The following SH3BP5 variants were observed in gnomAD, a reference collection of about 807,000 sequenced individuals.
SH3BP5 encodes the protein SH3 domain-binding protein 5.
In SH3BP5, 22 loss-of-function variants were observed where a neutral mutation model predicts 43.3. The ratio of observed to expected loss-of-function variants is 0.51; its 90% CI spans 0.36 to 0.73. The LOEUF (loss-of-function observed/expected upper bound fraction) is 0.73. Among genes scored for constraint, SH3BP5 ranks in the 30% least tolerant of loss-of-function variants. The pLI is 0.00. For missense variants in SH3BP5, 529 were observed against 586.9 expected (o/e 0.90, Z 1.02); for synonymous variants, 255 against 225.8 (o/e 1.13, Z -1.16).
In SH3BP5 at chr3:15,255,881, CACA is replaced by C. The variant is rs1326426570; in HGVS notation, c.*202_*204del. ...GCTGTGAACCTAGTCACAGTCTACC[CACA>C]ACAAGAACTCTGCTCTGAAAAACCA... On this transcript the variant is annotated 3_prime_UTR_variant, in exon 9 of 9. Transcript: ENST00000383791. The C allele has an allele frequency of 3.0e-5, 17 of 570,556 alleles. No homozygotes were observed. The East Asian group carries it at 5.0e-4, about 17-fold the overall frequency. 35.3% of individuals were successfully genotyped at this position (570,556 alleles called of 1,614,324 possible).
intron 7 of SH3BP5, chr3:15,257,417 T>G (rs917385942): frequency 3.3e-6 from 1 of 305,448 alleles, no homozygotes; most frequent in Non-Finnish European, 6.1e-6. Flanking sequence ...CAGCCACAAA[T>G]TAGGACCTTT....
At chr3:15,259,637 T>TA in intron 6 of SH3BP5, 124 bp downstream of exon 6, 8 of 951,340 alleles carry the variant, frequency 8.4e-6, no homozygotes. Flanking sequence ...GAAAACTCAG[T>TA]AAAGCCTGTC....
At chr3:15,309,933 C>A (rs1405916570) in intron 2 of SH3BP5, among the ~76,000 whole-genome samples, 1 of 150,902 alleles carries the variant, frequency 6.6e-6, no homozygotes, top group African/African-American at 2.4e-5. Context: ...AAAAGCCCAC[C>A]CAGTTGTTTC....
rs188969506 is a variant in SH3BP5, at chr3:15,267,391, C to T, written c.495+2322G>A. Among the ~76,000 whole-genome samples, 622 of 152,344 alleles carry T rather than the reference C, an allele frequency of 4.1e-3. 3 individuals carry two copies. The highest frequency in any genetic ancestry group is 0.01 in the Middle Eastern group (3 of 294). On this transcript the variant is annotated intron_variant, in intron 4 of 8. Transcript: ENST00000383791. ...GGAAAGCTTTGCCACAGGCTTTTGT[C>T]TCTTGCTGGTGTCTGTTTTTAACTC...
intron 3 of SH3BP5, among the ~76,000 whole-genome samples, chr3:15,300,944 G>A (rs1367010694): frequency 2.0e-5 from 3 of 152,116 alleles, no homozygotes; most frequent in Admixed American, 6.5e-5. Flanking sequence ...ATGACTCAGT[G>A]CCTTGCCCAC....
upstream of SH3BP5, among the ~76,000 whole-genome samples, chr3:15,334,384 G>A (rs1698676070): frequency 6.6e-6 from 1 of 152,014 alleles, no homozygotes; most frequent in African/African-American, 2.4e-5. Flanking sequence ...ACTAACCACA[G>A]ATAGAAAATA....
In SH3BP5 at chr3:15,256,986, A is replaced by G. The variant is rs1161548946; in HGVS notation, c.1017T>C (p.Pro339=). ...CCAGGCTGCCAGGCCTCACAACCGC[A>G]GGGAACTGGTCAGGCATCTCAGACG... ...TSPSEMPDQF[P]AVVRPGSLDL... The change falls in exon 8 of 9, where the codon CCT becomes CCC. Residue 339 remains proline (P), a synonymous_variant. Transcript: ENST00000383791. The G allele has an allele frequency of 1.9e-6, 3 of 1,614,086 alleles. No individual in the cohort carries two copies. Among genetic ancestry groups the G allele is most frequent in the Middle Eastern group, 1.6e-4 (1 of 6,084 alleles).
intron 2 of SH3BP5, among the ~76,000 whole-genome samples, chr3:15,305,835 A>AGGACTG (rs549812465): frequency 3.9e-4 from 60 of 152,280 alleles, no homozygotes; most frequent in South Asian, 8.3e-4. Context: ...AAGGCAAAGA[A>AGGACTG]GGACTGTGCA....
At chr3:15,291,234 C>T (rs1393565188) in intron 3 of SH3BP5, among the ~76,000 whole-genome samples, 1 of 152,164 alleles carries the variant, frequency 6.6e-6, no homozygotes, top group African/African-American at 2.4e-5. Flanking sequence ...TTCACTTGTG[C>T]CCACTCAAGG....
At chr3:15,273,523 G>A (rs1696876578) in intron 3 of SH3BP5, 1 of 390,716 alleles carries the variant, frequency 2.6e-6, no homozygotes, top group South Asian at 1.1e-4. Flanking sequence ...AGTGACATAG[G>A]ATACATGTTT....
chr3:15,290,768 T>C (rs1328951626), intron 3 of SH3BP5, among the ~76,000 whole-genome samples: 1 of 152,108 alleles, frequency 6.6e-6, no homozygotes, highest in Non-Finnish European at 1.5e-5. Flanking sequence ...GAGCCCATCA[T>C]TGCCTTAACT....
intron 2 of SH3BP5, among the ~76,000 whole-genome samples, chr3:15,326,049 A>T (rs138203185): frequency 6.6e-6 from 1 of 152,240 alleles, no homozygotes; most frequent in East Asian, 1.9e-4. Flanking sequence ...TGATCAATGG[A>T]TCTGTGGGAA....
chr3:15,329,788 T>C (rs1255867024), intron 2 of SH3BP5, among the ~76,000 whole-genome samples: 1 of 152,196 alleles, frequency 6.6e-6, no homozygotes, highest in Non-Finnish European at 1.5e-5. Context: ...ATACATATAG[T>C]GGTTGTTCAA....
intron 3 of SH3BP5, chr3:15,275,666 A>G (rs2125072904): frequency 6.6e-6 from 1 of 152,270 alleles, no homozygotes; most frequent in East Asian, 1.9e-4. Context: ...AATGTTAAAT[A>G]CCTTCATGAC....
intron 3 of SH3BP5, among the ~76,000 whole-genome samples, chr3:15,272,795 C>A (rs1696853857): frequency 6.6e-6 from 1 of 152,184 alleles, no homozygotes; most frequent in Non-Finnish European, 1.5e-5. Flanking sequence ...CAGGCTAAAC[C>A]TTCAACCAAA....
chr3:15,268,161 CGA>C (rs1237853895), intron 4 of SH3BP5, among the ~76,000 whole-genome samples: 3 of 152,178 alleles, frequency 2.0e-5, no homozygotes, highest in Non-Finnish European at 2.9e-5. Context: ...CAAGCTCAGC[CGA>C]GAGTCTCAGG....
intron 3 of SH3BP5, among the ~76,000 whole-genome samples, chr3:15,280,338 A>G (rs4685246): frequency 0.42 from 63,920 of 151,864 alleles, 16,202 homozygotes; most frequent in African/African-American, 0.72. Flanking sequence ...GGCCAGGTGC[A>G]AGGCAGGGGC....
chr3:15,260,297 C>G (rs1575277676), intron 5 of SH3BP5: 1 of 167,226 alleles, frequency 6.0e-6, no homozygotes, highest in South Asian at 1.3e-4. Context: ...ACAGCAAGGC[C>G]ACCACTAGGA....
intron 3 of SH3BP5, among the ~76,000 whole-genome samples, chr3:15,272,952 G>GC (rs1383095050): frequency 7.4e-6 from 1 of 135,868 alleles, no homozygotes; most frequent in Admixed American, 7.4e-5. Flanking sequence ...CCCAACCCCT[G>GC]CCCCACCTCG....
Sources: allele counts gnomAD v4.1 joint callset (sites outside exome capture counted in the v4.1 genomes callset), GRCh38; gene constraint gnomAD v4.1.1; transcripts MANE v1.5; gene names NCBI Gene and HGNC (gene_info 2026-07-23, HGNC 2026-07-21).